The following NARS1 variants were observed in gnomAD, a reference collection of about 807,000 sequenced individuals.
The protein encoded by NARS1 is asparagine--tRNA ligase, cytoplasmic.
NARS1 carries 65 observed loss-of-function variants against 79.2 expected under a neutral mutation model. The observed-to-expected ratio is 0.82, with a 90% CI of 0.67 to 1.01. The LOEUF is 1.01. Ranked by LOEUF, NARS1 falls within the 50% of genes least tolerant of loss-of-function variation. The pLI is 0.00. For missense variants in NARS1, 649 were observed against 673.8 expected, an observed-to-expected ratio of 0.96 and a Z score of 0.41; for synonymous variants, 229 against 238.8, an observed-to-expected ratio of 0.96 and a Z score of 0.38.
rs1908312721 is a variant in NARS1 at position 57,621,723 on chromosome 18, C to T, written c.-6G>A. Reference sequence around the variant, plus strand: ...TCTCACCCACCTAGCACCATGCCTGCAGTGGCCCTGGTCACCTCCAAGGAC... The same window carrying T: ...TCTCACCCACCTAGCACCATGCCTGTAGTGGCCCTGGTCACCTCCAAGGAC... On this transcript the variant is annotated 5_prime_UTR_variant, in exon 1 of 14. Transcript: ENST00000256854. The T allele has an allele frequency of 6.2e-7, 1 of 1,614,004 alleles. No homozygotes were observed. The highest frequency in any genetic ancestry group is 1.7e-5 in the Admixed American group (1 of 60,032).
chr18:57,611,843 G>C, intron 5 of NARS1, 136 bp from the exon 6 acceptor site: 1 of 347,120 alleles, frequency 2.9e-6, no homozygotes, highest in Non-Finnish European at 5.1e-6. Context: ...GCTCGCTGCA[G>C]CCTCTACCTC....
rs939927582 is a variant in NARS1, at chr18:57,601,577, T to C, written c.*75A>G. ...CCCCAATGAAACAAAAAAAGGAAGA[T>C]TCTGGCTTTTTGTTTTCTTTTTTAA... is the stretch of plus-strand genomic sequence containing the variant. On this transcript the variant is annotated 3_prime_UTR_variant, in exon 14 of 14. Coordinates refer to ENST00000256854, the MANE Select transcript of NARS1 (RefSeq NM_004539.4). The C allele has an allele frequency of 7.0e-7, 1 of 1,422,582 alleles. No individual in the cohort carries two copies. The highest frequency in any genetic ancestry group is 1.4e-5 in the African/African-American group (1 of 69,802). The allele number at this position is 1,422,582 out of a possible 1,614,324, so 88.1% of individuals were successfully genotyped here.
At chr18:57,607,395 A>G (rs1458984569) in intron 8 of NARS1, 49 bp downstream of exon 8, 1 of 1,611,012 alleles carries the variant, frequency 6.2e-7, no homozygotes, top group African/African-American at 1.3e-5. Context: ...TCAAGTTTCA[A>G]AACGGCAAAA....
Position 57,615,626 on chromosome 18 carries a change from G to A in NARS1, c.342+15C>T, listed in dbSNP as rs779912712. On this transcript the variant is annotated intron_variant, in intron 4 of 13. Coordinates refer to ENST00000256854, the MANE Select transcript of NARS1 (RefSeq NM_004539.4). ...TAGCCAAGTCCACGGTATTTGAAAA[G>A]ATAAACAAACTTACACATTTTGGCT... 3 of 1,570,350 alleles carry A rather than the reference G, an allele frequency of 1.9e-6. No homozygotes were observed. Among genetic ancestry groups the A allele is most frequent in the Admixed American group, 1.7e-5 (1 of 59,544 alleles).
chr18:57,621,011 T>A (rs961904940), intron 1 of NARS1, among the ~76,000 whole-genome samples: 1 of 152,214 alleles, frequency 6.6e-6, no homozygotes, highest in African/African-American at 2.4e-5. Context: ...TTACTTAACC[T>A]TTCTGAGCTT....
At chr18:57,613,989 T>G (rs183288285) in intron 4 of NARS1, among the ~76,000 whole-genome samples, 28 of 152,320 alleles carry the variant, frequency 1.8e-4, no homozygotes, top group African/African-American at 6.3e-4. Flanking sequence ...GTGGAGCACT[T>G]GCTTCCCACA....
intron 4 of NARS1, 35 bp from the exon 5 acceptor site, chr18:57,613,715 A>C: frequency 3.2e-6 from 5 of 1,550,844 alleles, no homozygotes; most frequent in Non-Finnish European, 4.4e-6. Context: ...TTGTTCAATA[A>C]TGTCATTTAT....
At chr18:57,603,956 T>C (rs993662053) in intron 11 of NARS1, among the ~76,000 whole-genome samples, 1 of 152,178 alleles carries the variant, frequency 6.6e-6, no homozygotes, top group African/African-American at 2.4e-5. Flanking sequence ...ACAGTAGCAA[T>C]GTATAGTAAA....
At chr18:57,606,546 T>C in intron 10 of NARS1, 70 bp downstream of exon 10, 1 of 1,475,338 alleles carries the variant, frequency 6.8e-7, no homozygotes, top group Non-Finnish European at 9.2e-7. Context: ...CTACAAAAAC[T>C]GAGGGTGAAG....
chr18:57,609,130 C>T (rs1007147129), intron 7 of NARS1, among the ~76,000 whole-genome samples: 1 of 152,208 alleles, frequency 6.6e-6, no homozygotes, highest in Non-Finnish European at 1.5e-5. Flanking sequence ...TCAGCCACTA[C>T]TGGCTTCCTT....
chr18:57,603,460 T>G (rs889234130), intron 11 of NARS1, among the ~76,000 whole-genome samples: 2 of 152,208 alleles, frequency 1.3e-5, no homozygotes, highest in African/African-American at 2.4e-5. Flanking sequence ...CAGTTATGCC[T>G]TCGATGACAG....
At chr18:57,602,139 A>G (rs2051512399) in intron 13 of NARS1, among the ~76,000 whole-genome samples, 1 of 152,228 alleles carries the variant, frequency 6.6e-6, no homozygotes, top group Admixed American at 6.5e-5. Context: ...TGCAATCAAC[A>G]AGCCGGCCGT....
At chr18:57,602,514 C>A (rs371238458) in intron 12 of NARS1, 28 bp from the exon 13 acceptor site, 41 of 1,611,678 alleles carry the variant, frequency 2.5e-5, no homozygotes, top group Non-Finnish European at 3.1e-5. Context: ...AGAAGATACA[C>A]AATTACTATC....
chr18:57,602,694 A>G, intron 12 of NARS1, 118 bp downstream of exon 12: 1 of 1,331,008 alleles, frequency 7.5e-7, no homozygotes, highest in Non-Finnish European at 1.0e-6. Flanking sequence ...ACGTCTTTAA[A>G]TATTGTTATT....
rs778303778 is a variant in NARS1 at position 57,615,640 on chromosome 18, C to A, written c.342+1G>T. On this transcript the variant is annotated splice_donor_variant, in intron 4 of 13. Coordinates refer to ENST00000256854, the MANE Select transcript of NARS1 (RefSeq NM_004539.4). LOFTEE classifies it high-confidence loss of function. Reference sequence around the variant, plus strand: ...GTATTTGAAAAGATAAACAAACTTACACATTTTGGCTCTGGGAGACTTGGA... The same window carrying A: ...GTATTTGAAAAGATAAACAAACTTAAACATTTTGGCTCTGGGAGACTTGGA... 1.9e-6 allele frequency: 3 copies of A among 1,598,430 alleles called. No homozygotes were observed. Among genetic ancestry groups the A allele is most frequent in the South Asian group, 2.2e-5 (2 of 90,296 alleles).
At chr18:57,620,753 T>G in intron 1 of NARS1, 102 bp from the exon 2 acceptor site, 1 of 621,310 alleles carries the variant, frequency 1.6e-6, no homozygotes. Flanking sequence ...AAGCATCGAT[T>G]AATAAAAATT....
At position 57,602,337 on chromosome 18, in the gene NARS1, T is replaced by C. The variant is rs377452668; in HGVS notation, c.1515+18A>G. On this transcript the variant is annotated intron_variant, in intron 13 of 13. Coordinates refer to ENST00000256854, the MANE Select transcript of NARS1 (RefSeq NM_004539.4). ...TACAGTGGAAAAAAATGTTGAGTAC[T>C]TAAAAAATTGGTTTTACCTGATCCG... is the stretch of plus-strand genomic sequence containing the variant. The C allele has an allele frequency of 3.3e-5, 53 of 1,605,366 alleles. No homozygotes were observed. The African/African-American group carries it at 6.8e-4, about 21-fold the overall frequency.
rs147559695 is a variant in NARS1, at chr18:57,601,181, A to G, written c.*471T>C. On this transcript the variant is annotated 3_prime_UTR_variant, in exon 14 of 14. Transcript: ENST00000256854. Reference sequence around the variant, plus strand: ...TGTTCTAATATGAGCAGATTTTTATACGATATTGCCAATTTCTTCCCCCAA... The same window carrying G: ...TGTTCTAATATGAGCAGATTTTTATGCGATATTGCCAATTTCTTCCCCCAA... 3 of 154,374 alleles carry G rather than the reference A, an allele frequency of 1.9e-5. No individual in the cohort carries two copies. Among genetic ancestry groups the G allele is most frequent in the African/African-American group, 7.2e-5 (3 of 41,602 alleles). The allele number at this position is 154,374 out of a possible 1,614,324, so 9.6% of individuals were successfully genotyped here.
chr18:57,601,390 C>A lies in NARS1; in HGVS notation c.*262G>T. The A allele has an allele frequency of 3.3e-6, 1 of 300,136 alleles. No individual in the cohort carries two copies. Among genetic ancestry groups the A allele is most frequent in the Non-Finnish European group, 6.3e-6 (1 of 159,148 alleles). The allele number at this position is 300,136 out of a possible 1,614,324, so 18.6% of individuals were successfully genotyped here. A position where few individuals can be genotyped will look rare whatever the true frequency, so the allele number is the denominator to read the frequency against. On this transcript the variant is annotated 3_prime_UTR_variant, in exon 14 of 14. Transcript: ENST00000256854. ...AAGTGAGTAAAATGCTGAAATGTAT[C>A]CCTAACTACAGTTTCATGCCAGGTA...
Sources: gnomAD v4.1 joint callset for allele counts (sites outside exome capture counted in the v4.1 genomes callset) on GRCh38, gnomAD v4.1.1 for gene constraint, MANE v1.5 for transcripts, NCBI Gene and HGNC (gene_info 2026-07-23, HGNC 2026-07-21) for gene names.